KDM4C: variants seen among roughly 807,000 people sequenced by gnomAD.
KDM4C encodes lysine-specific demethylase 4C.
A neutral mutation model predicts 129.3 loss-of-function variants in KDM4C; 81 were observed. That is an observed-to-expected ratio of 0.63 (90% CI 0.52 to 0.75). The LOEUF is 0.75. KDM4C is among the 30% of genes least tolerant of loss of function. The pLI is 0.00. For synonymous variants in KDM4C, 573 were observed against 456.1 expected, an observed-to-expected ratio of 1.26 and a Z score of -3.26; for missense variants, 1,457 against 1,304.0, an observed-to-expected ratio of 1.12 and a Z score of -1.81.
At chr9:6,810,276 A>G (rs139026976) in intron 3 of KDM4C, among the ~76,000 whole-genome samples, 33 of 152,320 alleles carry the variant, frequency 2.2e-4, no homozygotes, top group Non-Finnish European at 4.0e-4. Context: ...CTTTCTGAAG[A>G]TAGCCATTCA....
intron 8 of KDM4C, among the ~76,000 whole-genome samples, chr9:6,948,553 A>G (rs992200401): frequency 3.4e-5 from 5 of 145,256 alleles, no homozygotes; most frequent in Admixed American, 1.4e-4. Context: ...GCAGGGTCAT[A>G]GGACAATAGT....
At position 6,965,321 on chromosome 9, in the gene KDM4C, T is replaced by C. The variant is rs142487436; in HGVS notation, c.922-15604T>C. Among the ~76,000 whole-genome samples, 620 of 151,640 alleles carry C rather than the reference T, an allele frequency of 4.1e-3. 4 individuals are homozygous for C. The highest frequency in any genetic ancestry group is 0.014 in the African/African-American group (566 of 41,470). On this transcript the variant is annotated intron_variant, in intron 8 of 21. Coordinates refer to ENST00000381309, the MANE Select transcript of KDM4C (RefSeq NM_015061.6). The stretch of plus-strand genomic sequence containing the variant: ...TATATATATATTTGGATATATTAGG[T>C]ATATTTATGACTAAATTATAAATTT...
At chr9:6,888,787 T>TA (rs1292716904) in intron 7 of KDM4C, among the ~76,000 whole-genome samples, 12 of 117,400 alleles carry the variant, frequency 1.0e-4, no homozygotes, top group Admixed American at 2.5e-4. Context: ...CTGTGTTTTT[T>TA]TTTTTTTTTT....
chr9:6,840,663 T>C (rs549313872), intron 4 of KDM4C, among the ~76,000 whole-genome samples: 1 of 152,278 alleles, frequency 6.6e-6, no homozygotes, highest in South Asian at 2.1e-4. Context: ...TCCCAAAGCA[T>C]TGGGATTACA....
At chr9:7,107,358 A>G (rs1255259821) in intron 18 of KDM4C, among the ~76,000 whole-genome samples, 1 of 152,238 alleles carries the variant, frequency 6.6e-6, no homozygotes, top group East Asian at 1.9e-4. Context: ...ATAGTCAGCT[A>G]CCTATACACT....
chr9:6,990,606 GA>G (rs1280928809), intron 12 of KDM4C, 82 bp downstream of exon 12: 41 of 859,638 alleles, frequency 4.8e-5, no homozygotes, highest in African/African-American at 8.9e-5. Flanking sequence ...TTGCTGAATA[GA>G]AAAAAAATTC....
intron 17 of KDM4C, among the ~76,000 whole-genome samples, chr9:7,098,720 C>G (rs568337143): frequency 6.6e-6 from 1 of 152,292 alleles, no homozygotes; most frequent in East Asian, 1.9e-4. Flanking sequence ...TTAATCTACT[C>G]TCTCTTCTCC....
chr9:6,755,601 G>A (rs2130322444), upstream of KDM4C, among the ~76,000 whole-genome samples: 1 of 152,280 alleles, frequency 6.6e-6, no homozygotes, highest in South Asian at 2.1e-4. Context: ...TCTCTGAGGT[G>A]ATCTGATGAT....
At chr9:6,841,227 C>T (rs952444462) in intron 4 of KDM4C, among the ~76,000 whole-genome samples, 1 of 151,878 alleles carries the variant, frequency 6.6e-6, no homozygotes, top group Non-Finnish European at 1.5e-5. Context: ...CATTATTGGC[C>T]CAGTTTGGAG....
intron 3 of KDM4C, among the ~76,000 whole-genome samples, chr9:6,806,872 GTCTCCGTCTCCC>G (rs1418109980): frequency 1.0e-3 from 138 of 132,772 alleles, no homozygotes; most frequent in African/African-American, 3.3e-3. Flanking sequence ...CTCCCTCTCC[GTCTCCGTCTCCC>G]TCTCCCTCTC....
At chr9:6,821,825 G>T (rs763168829) in intron 4 of KDM4C, among the ~76,000 whole-genome samples, 1 of 152,122 alleles carries the variant, frequency 6.6e-6, no homozygotes, top group African/African-American at 2.4e-5. Context: ...AGCAGAGACC[G>T]TGATTCGCCA....
intron 3 of KDM4C, among the ~76,000 whole-genome samples, chr9:6,812,074 T>C (rs1483432551): frequency 1.3e-5 from 2 of 152,084 alleles, no homozygotes; most frequent in Non-Finnish European, 2.9e-5. Context: ...CTTTCTCTCT[T>C]AGAGTTATGA....
At chr9:7,015,750 A>G (rs1008602255) in intron 14 of KDM4C, 103 bp from the exon 15 acceptor site, 3 of 722,238 alleles carry the variant, frequency 4.2e-6, no homozygotes, top group South Asian at 1.7e-5. Flanking sequence ...TCAAGACAGT[A>G]TGGTAGGCTA....
intron 8 of KDM4C, chr9:6,925,042 A>G (rs1408652233): frequency 5.1e-6 from 5 of 985,242 alleles, no homozygotes; most frequent in African/African-American, 1.7e-5. Flanking sequence ...AACCAGGTGT[A>G]TAAGAATGAA....
chr9:6,772,639 G>A (rs1822114254), intron 1 of KDM4C, among the ~76,000 whole-genome samples: 1 of 151,726 alleles, frequency 6.6e-6, no homozygotes, highest in Non-Finnish European at 1.5e-5. Context: ...GGGATTACAG[G>A]TGTGAGCCAC....
At chr9:7,009,596 C>T (rs1822311935) in intron 12 of KDM4C, among the ~76,000 whole-genome samples, 1 of 152,152 alleles carries the variant, frequency 6.6e-6, no homozygotes, top group Admixed American at 6.5e-5. Context: ...TGCCTTGATT[C>T]ATGCTGAGAC....
chr9:7,038,775 C>T (rs1404106058), intron 15 of KDM4C, among the ~76,000 whole-genome samples: 2 of 152,036 alleles, frequency 1.3e-5, no homozygotes, highest in Admixed American at 6.6e-5. Context: ...TAACAGCTTA[C>T]ATGACCCCCA....
chr9:6,785,228 C>G (rs11792731), intron 1 of KDM4C, among the ~76,000 whole-genome samples: 47 of 152,152 alleles, frequency 3.1e-4, no homozygotes, highest in Non-Finnish European at 5.9e-4. Flanking sequence ...GTTGTAGTTT[C>G]TTGTGTTTGC....
chr9:7,043,874 T>C (rs1196031580), intron 15 of KDM4C, among the ~76,000 whole-genome samples: 4 of 152,162 alleles, frequency 2.6e-5, no homozygotes, highest in African/African-American at 9.6e-5. Context: ...TCCCAGTATG[T>C]GAAAATGGTC....
Sources: gnomAD v4.1 joint callset for allele counts (sites outside exome capture counted in the v4.1 genomes callset) on GRCh38, gnomAD v4.1.1 for gene constraint, MANE v1.5 for transcripts, NCBI Gene and HGNC (gene_info 2026-07-23, HGNC 2026-07-21) for gene names.